The following GPC3 variants were observed in gnomAD, a reference collection of about 807,000 sequenced individuals.
GPC3 encodes glypican 3.
GPC3 carries 3 observed loss-of-function variants against 34.4 expected under a neutral mutation model. The observed-to-expected ratio is 0.09, with a 90% CI of 0.04 to 0.23. GPC3 has a LOEUF of 0.23. Among genes scored for constraint, GPC3 ranks in the 10% least tolerant of loss-of-function variants. The pLI, the probability that GPC3 is intolerant of heterozygous loss-of-function variation, is 1.00. For missense variants in GPC3, 351 were observed against 445.6 expected (o/e 0.79, Z 1.91); for synonymous variants, 177 against 174.0 (o/e 1.02, Z -0.13).
At chrX:133,897,411 C>T (rs1290422097) in intron 2 of GPC3, among the ~76,000 whole-genome samples, 4 of 108,260 alleles carry the variant, frequency 3.7e-5, no homozygotes, top group African/African-American at 6.7e-5. Context: ...ATTCTATCCA[C>T]GTTTTTGCTT....
intron 1 of GPC3, among the ~76,000 whole-genome samples, chrX:133,968,665 C>T (rs1401560979): frequency 1.8e-5 from 2 of 110,394 alleles, no homozygotes; most frequent in African/African-American, 6.6e-5. Context: ...TCAATAAAAA[C>T]TTGCTGAATT....
intron 6 of GPC3, among the ~76,000 whole-genome samples, chrX:133,651,720 A>C (rs1295805208): frequency 1.8e-5 from 2 of 111,914 alleles, no homozygotes; most frequent in African/African-American, 6.5e-5. Flanking sequence ...ACTTTAGGCA[A>C]TAAGGGGCTA....
At position 133,897,135 on chromosome X, in the gene GPC3, G is replaced by T. The variant is rs182124738; in HGVS notation, c.337+55915C>A. Among the ~76,000 whole-genome samples, 622 of 107,691 alleles carry T rather than the reference G, an allele frequency of 5.8e-3. 8 individuals carry two copies. The highest frequency in any genetic ancestry group is 0.033 in the Admixed American group (325 of 9,981). The allele number at this position is 107,691 out of a possible 115,157, so 93.5% of individuals were successfully genotyped here. ...GTTAGCCAGGATGGTCTCGATCTCC[G>T]GACCTCATGATCCGCCCACCTTGGC... On this transcript the variant is annotated intron_variant, in intron 2 of 7. Transcript: ENST00000370818.
chrX:133,842,866 A>G (rs753064756), intron 2 of GPC3, among the ~76,000 whole-genome samples: 2 of 111,319 alleles, frequency 1.8e-5, no homozygotes, highest in South Asian at 3.9e-4. Context: ...TCCTCCCACA[A>G]TGAATCAGGC....
chrX:133,763,826 T>C (rs958949178), intron 2 of GPC3: 22 of 390,794 alleles, frequency 5.6e-5, no homozygotes, highest in African/African-American at 5.3e-4. Flanking sequence ...TTGGTGGGAA[T>C]GTAAATTAGT....
In GPC3 at chrX:133,616,799, G is replaced by A. The variant is rs192632924; in HGVS notation, c.1414-20200C>T. Among the ~76,000 whole-genome samples the A allele has an allele frequency of 3.2e-3, 336 of 106,612 alleles. 3 individuals are homozygous for A. Among genetic ancestry groups the A allele is most frequent in the Admixed American group, 0.025 (241 of 9,776 alleles). The allele number at this position is 106,612 out of a possible 115,157, so 92.6% of individuals were successfully genotyped here. ...TGCAAGCTCTGTCTCCCAGGTTCACGCCATTCTCCTGCCTCAGCCTCCCGA... is the reference window on the plus strand; with the variant it reads ...TGCAAGCTCTGTCTCCCAGGTTCACACCATTCTCCTGCCTCAGCCTCCCGA... On this transcript the variant is annotated intron_variant, in intron 6 of 7. Transcript: ENST00000370818.
At chrX:133,765,151 A>T (rs1451990510) in intron 2 of GPC3, among the ~76,000 whole-genome samples, 1 of 112,095 alleles carries the variant, frequency 8.9e-6, no homozygotes, top group Non-Finnish European at 1.9e-5. Context: ...AAAAAAGGTC[A>T]TTCTCCAAAG....
intron 2 of GPC3, among the ~76,000 whole-genome samples, chrX:133,860,193 A>C (rs1483973595): frequency 9.0e-6 from 1 of 111,506 alleles, no homozygotes; most frequent in African/African-American, 3.3e-5. Context: ...GGATATGTGA[A>C]TCACTGAGGC....
At chrX:133,658,284 A>T (rs2070685040) in intron 6 of GPC3, among the ~76,000 whole-genome samples, 1 of 112,338 alleles carries the variant, frequency 8.9e-6, no homozygotes, top group South Asian at 3.7e-4. Flanking sequence ...GACAAACATT[A>T]TTTATCCCTT....
At chrX:133,773,250 C>T (rs1413540435) in intron 2 of GPC3, among the ~76,000 whole-genome samples, 1 of 110,492 alleles carries the variant, frequency 9.1e-6, no homozygotes, top group Non-Finnish European at 1.9e-5. Flanking sequence ...TGGGGTTTCA[C>T]CATGAAAATT....
rs750656901 is a variant in GPC3, at chrX:133,571,881, A to G, written c.1573+24559T>C. Among the ~76,000 whole-genome samples, 6 of 112,375 alleles carry G rather than the reference A, an allele frequency of 5.3e-5. No homozygotes were observed. The South Asian group carries it at 1.1e-3, about 21-fold the overall frequency. ...TTCTGTTCTTAATCCTGAGATCTGA[A>G]TGGTGATTATGAATCACATGTTCTT... is the stretch of plus-strand genomic sequence containing the variant. On this transcript the variant is annotated intron_variant, in intron 7 of 7. Transcript: ENST00000370818.
rs912332376 is a variant in GPC3 at position 133,793,428 on chromosome X, G to A, written c.338-39252C>T. ...TGGCATAGGTTTTGGCTACTGTGAT[G>A]TATGCATTTAAGTTTGACAATACCC... On this transcript the variant is annotated intron_variant, in intron 2 of 7. Transcript: ENST00000370818. 3.6e-5 allele frequency among the ~76,000 whole-genome samples: 4 copies of A among 111,866 alleles called. No individual in the cohort carries two copies. In the East Asian group the frequency reaches 1.1e-3, roughly 31 times the overall value.
Position 133,610,658 on chromosome X carries a change from C to T in GPC3, c.1414-14059G>A, listed in dbSNP as rs144988449. ...TTCTGGATACAGCTATGGTAATTTCCGTCTTTGAAGAAATCAACTTGAATG... is the reference window on the plus strand; with the variant it reads ...TTCTGGATACAGCTATGGTAATTTCTGTCTTTGAAGAAATCAACTTGAATG... On this transcript the variant is annotated intron_variant, in intron 6 of 7. Transcript: ENST00000370818. Among the ~76,000 whole-genome samples, 182 of 104,593 alleles carry T rather than the reference C, an allele frequency of 1.7e-3. 1 individual carries two copies. The highest frequency in any genetic ancestry group is 6.1e-3 in the African/African-American group (174 of 28,430). The allele number at this position is 104,593 out of a possible 115,157, so 90.8% of individuals were successfully genotyped here.
chrX:133,590,559 T>A (rs1477310969), intron 7 of GPC3, among the ~76,000 whole-genome samples: 1 of 111,814 alleles, frequency 8.9e-6, no homozygotes, highest in Non-Finnish European at 1.9e-5. Context: ...TATAAATGAA[T>A]ATACCCCAGA....
At chrX:133,984,314 G>A (rs1055541032) in intron 1 of GPC3, among the ~76,000 whole-genome samples, 1 of 113,334 alleles carries the variant, frequency 8.8e-6, no homozygotes, top group African/African-American at 3.2e-5. Context: ...GACTCTTCTT[G>A]TCCGCATTGT....
intron 2 of GPC3, among the ~76,000 whole-genome samples, chrX:133,948,924 C>A (rs1490146717): frequency 8.9e-6 from 1 of 111,957 alleles, no homozygotes; most frequent in Non-Finnish European, 1.9e-5. Flanking sequence ...TATTTGGCAC[C>A]ACCTGGGGTA....
intron 7 of GPC3, among the ~76,000 whole-genome samples, chrX:133,593,495 ATGAAGCCAGAAGGGTAGT>A (rs1321739559): frequency 9.1e-6 from 1 of 109,334 alleles, no homozygotes; most frequent in Non-Finnish European, 1.9e-5. Flanking sequence ...GTGGTGGGAA[ATGAAGCCAGAAGGGTAGT>A]TGAGGCTAGA....
intron 2 of GPC3, among the ~76,000 whole-genome samples, chrX:133,803,490 T>C (rs1313693830): frequency 1.8e-5 from 2 of 112,003 alleles, no homozygotes; most frequent in Admixed American, 9.5e-5. Flanking sequence ...CATTGCTCTC[T>C]GCATTCTTCA....
chrX:133,850,975 G>A (rs999984547), intron 2 of GPC3, among the ~76,000 whole-genome samples: 4 of 110,169 alleles, frequency 3.6e-5, no homozygotes, highest in Non-Finnish European at 5.7e-5. Flanking sequence ...GTGGTGGCGG[G>A]CGCCTATTGT....
Sources: allele counts gnomAD v4.1 joint callset (sites outside exome capture counted in the v4.1 genomes callset), GRCh38; gene constraint gnomAD v4.1.1; transcripts MANE v1.5; gene names NCBI Gene and HGNC (gene_info 2026-07-23, HGNC 2026-07-21).